The following NCAM2 variants were observed in gnomAD, a reference collection of about 807,000 sequenced individuals.
NCAM2 encodes the protein neural cell adhesion molecule 2, also known as N-CAM-2.
Under a neutral mutation model 98.1 loss-of-function variants are expected in NCAM2, and 30 were observed. The ratio of observed to expected loss-of-function variants is 0.31; its 90% CI spans 0.23 to 0.41. The LOEUF (loss-of-function observed/expected upper bound fraction) is 0.41. Ranked by LOEUF, NCAM2 falls within the 10% of genes least tolerant of loss-of-function variation. The pLI is 1.00. For synonymous variants in NCAM2, 368 were observed against 342.4 expected, an observed-to-expected ratio of 1.07 and a Z score of -0.83; for missense variants, 867 against 1,005.8, an observed-to-expected ratio of 0.86 and a Z score of 1.87.
intron 16 of NCAM2, among the ~76,000 whole-genome samples, chr21:21,526,945 A>T (rs145312754): frequency 1.2e-4 from 19 of 152,294 alleles, no homozygotes; most frequent in African/African-American, 3.8e-4. Flanking sequence ...ATCTAGCCAC[A>T]GACATTATGC....
intron 5 of NCAM2, among the ~76,000 whole-genome samples, chr21:21,302,979 G>A (rs926581758): frequency 6.6e-6 from 1 of 152,036 alleles, no homozygotes; most frequent in African/African-American, 2.4e-5. Context: ...GACCATAATC[G>A]TAAGTGATCT....
intron 1 of NCAM2, among the ~76,000 whole-genome samples, chr21:21,201,961 C>G (rs1172253419): frequency 6.6e-6 from 1 of 152,102 alleles, no homozygotes; most frequent in Non-Finnish European, 1.5e-5. Flanking sequence ...AACTGTATCC[C>G]AAACTTGAGA....
chr21:21,512,209 G>A (rs567475185), intron 16 of NCAM2, among the ~76,000 whole-genome samples: 4 of 151,998 alleles, frequency 2.6e-5, no homozygotes, highest in South Asian at 4.1e-4. Context: ...GTTTACTCTA[G>A]TACTTTCATA....
intron 7 of NCAM2, among the ~76,000 whole-genome samples, chr21:21,335,873 A>G (rs1568948107): frequency 6.6e-6 from 1 of 152,178 alleles, no homozygotes; most frequent in Non-Finnish European, 1.5e-5. Context: ...AGTCATTGAT[A>G]TGCTTACAGA....
intron 1 of NCAM2, among the ~76,000 whole-genome samples, chr21:21,094,630 T>G (rs1001428245): frequency 2.0e-5 from 3 of 151,818 alleles, no homozygotes; most frequent in Non-Finnish European, 4.4e-5. Flanking sequence ...ATTTCAGTTA[T>G]GTCAACATTT....
intron 17 of NCAM2, 40 bp downstream of exon 17, chr21:21,534,696 T>C (rs1989888579): frequency 6.8e-7 from 1 of 1,475,942 alleles, no homozygotes; most frequent in African/African-American, 1.4e-5. Flanking sequence ...CAAATGGGTA[T>C]TGGCAAAATG....
intron 9 of NCAM2, among the ~76,000 whole-genome samples, chr21:21,394,468 G>GTTTT (rs2076452804): frequency 1.3e-5 from 1 of 75,826 alleles, no homozygotes; most frequent in African/African-American, 5.3e-5. Context: ...TAAGGGGCCA[G>GTTTT]CTTTTTTTTT....
chr21:21,535,372 C>T (rs1335075305), intron 17 of NCAM2, among the ~76,000 whole-genome samples: 2 of 152,040 alleles, frequency 1.3e-5, no homozygotes, highest in Non-Finnish European at 2.9e-5. Flanking sequence ...CACTTCTTTA[C>T]TGTGCACCAA....
rs142678933 is a variant in NCAM2, at chr21:21,088,333, T to C, written c.55+89715T>C. ...TAATTCATATATTAATAGAATTGTT[T>C]AATATACTACTATTCTTAACATCAA... On this transcript the variant is annotated intron_variant, in intron 1 of 17. Coordinates refer to ENST00000400546, the MANE Select transcript of NCAM2 (RefSeq NM_004540.5). Among the ~76,000 whole-genome samples the C allele has an allele frequency of 2.9e-3, 437 of 152,334 alleles. 2 individuals are homozygous for C. The highest frequency in any genetic ancestry group is 9.1e-3 in the African/African-American group (378 of 41,588).
At chr21:21,098,619 CTGAGGCTCAA>C (rs2066174445) in intron 1 of NCAM2, among the ~76,000 whole-genome samples, 1 of 151,708 alleles carries the variant, frequency 6.6e-6, no homozygotes, top group South Asian at 2.1e-4. Context: ...GACAAGTAAA[CTGAGGCTCAA>C]TATATTAAGC....
At chr21:21,436,185 A>G (rs1465804930) in intron 12 of NCAM2, among the ~76,000 whole-genome samples, 1 of 152,228 alleles carries the variant, frequency 6.6e-6, no homozygotes, top group Non-Finnish European at 1.5e-5. Context: ...GATTATTGAA[A>G]CATATGACAT....
chr21:21,307,515 C>T (rs550637268), intron 5 of NCAM2, among the ~76,000 whole-genome samples: 1 of 152,220 alleles, frequency 6.6e-6, no homozygotes, highest in Non-Finnish European at 1.5e-5. Context: ...CTGGGATCTG[C>T]TCAGTATATT....
chr21:21,008,343 C>A (rs1338015474), intron 1 of NCAM2, among the ~76,000 whole-genome samples: 1 of 152,108 alleles, frequency 6.6e-6, no homozygotes, highest in African/African-American at 2.4e-5. Context: ...ACTTGTGAAT[C>A]ATCAAAGGGT....
intron 11 of NCAM2, 36 bp downstream of exon 11, chr21:21,418,605 A>G: frequency 7.1e-7 from 1 of 1,401,272 alleles, no homozygotes; most frequent in Non-Finnish European, 1.0e-6. Context: ...GATCGCACAC[A>G]ATATTTCTGA....
intron 15 of NCAM2, among the ~76,000 whole-genome samples, chr21:21,502,589 T>G (rs1987708630): frequency 6.6e-6 from 1 of 151,958 alleles, no homozygotes; most frequent in South Asian, 2.1e-4. Flanking sequence ...TTTCCAAATA[T>G]CATTTGATGT....
At chr21:21,226,954 TA>T (rs2070407574) in intron 1 of NCAM2, 1 of 152,014 alleles carries the variant, frequency 6.6e-6, no homozygotes, top group Admixed American at 6.6e-5. Flanking sequence ...AGAAAGAATT[TA>T]AAACTCATTT....
intron 1 of NCAM2, among the ~76,000 whole-genome samples, chr21:21,127,065 AAAG>A (rs2066841497): frequency 6.6e-6 from 1 of 151,988 alleles, no homozygotes; most frequent in Non-Finnish European, 1.5e-5. Flanking sequence ...CACTATTAAA[AAAG>A]AATAAGAATC....
intron 5 of NCAM2, among the ~76,000 whole-genome samples, chr21:21,293,275 G>A (rs1446642376): frequency 1.3e-5 from 2 of 148,378 alleles, no homozygotes; most frequent in African/African-American, 4.9e-5. Flanking sequence ...TTTTCCATGA[G>A]AGTGGTGATC....
Position 21,247,165 on chromosome 21 carries a change from A to T in NCAM2, c.56-33413A>T, listed in dbSNP as rs150793403. On this transcript the variant is annotated intron_variant, in intron 1 of 17. Transcript: ENST00000400546. ...AAACCCCGTCTCTACTAAAAATACAAAAATTTAGCCTGGCGTGGTGGTGGG... is the reference window on the plus strand; with the variant it reads ...AAACCCCGTCTCTACTAAAAATACATAAATTTAGCCTGGCGTGGTGGTGGG... 5.6e-3 allele frequency among the ~76,000 whole-genome samples: 855 copies of T among 151,728 alleles called. 7 individuals carry two copies. The highest frequency in any genetic ancestry group is 0.02 in the African/African-American group (811 of 41,126).
Sources: allele counts gnomAD v4.1 joint callset (sites outside exome capture counted in the v4.1 genomes callset), GRCh38; gene constraint gnomAD v4.1.1; transcripts MANE v1.5; gene names NCBI Gene and HGNC (gene_info 2026-07-23, HGNC 2026-07-21).